FIGN: variants seen among roughly 807,000 people sequenced by gnomAD.
FIGN encodes the protein fidgetin, microtubule severing factor, also known as fidgetin.
Under a neutral mutation model 51.3 loss-of-function variants are expected in FIGN, and 11 were observed. That is an observed-to-expected ratio of 0.21 (90% CI 0.13 to 0.35). The LOEUF (loss-of-function observed/expected upper bound fraction) is 0.35, where lower values mean the gene tolerates loss of function less well. Ranked by LOEUF, FIGN falls within the 10% of genes least tolerant of loss-of-function variation. The pLI, the probability that FIGN is intolerant of heterozygous loss-of-function variation, is 1.00. For synonymous variants in FIGN, 407 were observed against 363.2 expected (o/e 1.12, Z -1.37); for missense variants, 857 against 943.6 (o/e 0.91, Z 1.20).
intron 2 of FIGN, among the ~76,000 whole-genome samples, chr2:163,714,947 G>A (rs1259091148): frequency 4.6e-5 from 7 of 152,018 alleles, no homozygotes; most frequent in African/African-American, 7.3e-5. Flanking sequence ...ATTTATAGCC[G>A]ATGGGCCTAA....
chr2:163,655,626 G>A (rs887539472), intron 2 of FIGN, among the ~76,000 whole-genome samples: 1 of 151,874 alleles, frequency 6.6e-6, no homozygotes, highest in Non-Finnish European at 1.5e-5. Context: ...ACATCATATT[G>A]GAAAATCATG....
At chr2:163,707,580 A>T (rs560173809) in intron 2 of FIGN, among the ~76,000 whole-genome samples, 1 of 152,314 alleles carries the variant, frequency 6.6e-6, no homozygotes, top group South Asian at 2.1e-4. Context: ...AGTCCATATC[A>T]AGCAACATTT....
At chr2:163,638,101 C>A (rs1449735750) in intron 2 of FIGN, among the ~76,000 whole-genome samples, 1 of 151,932 alleles carries the variant, frequency 6.6e-6, no homozygotes, top group Non-Finnish European at 1.5e-5. Flanking sequence ...GAGAGGATTT[C>A]CAATGACCCT....
At chr2:163,682,663 G>C (rs894515083) in intron 2 of FIGN, among the ~76,000 whole-genome samples, 6 of 152,172 alleles carry the variant, frequency 3.9e-5, no homozygotes, top group Admixed American at 2.6e-4. Flanking sequence ...GTGAAAGTGA[G>C]AATTTTTTAA....
intron 2 of FIGN, among the ~76,000 whole-genome samples, chr2:163,628,178 C>T (rs1292151100): frequency 6.6e-6 from 1 of 152,150 alleles, no homozygotes; most frequent in Non-Finnish European, 1.5e-5. Context: ...CTCTGATGGA[C>T]TTTGCAATCT....
intron 2 of FIGN, among the ~76,000 whole-genome samples, chr2:163,662,993 C>T (rs1683714351): frequency 1.3e-5 from 2 of 152,206 alleles, no homozygotes; most frequent in Admixed American, 1.3e-4. Context: ...TCCAATTAAA[C>T]CTCTTTTTCT....
At chr2:163,653,235 T>A (rs1422569514) in intron 2 of FIGN, among the ~76,000 whole-genome samples, 1 of 152,104 alleles carries the variant, frequency 6.6e-6, no homozygotes, top group Admixed American at 6.5e-5. Flanking sequence ...CACCTCTTTC[T>A]ATCATAGTTT....
Position 163,630,322 on chromosome 2 carries a change from T to G in FIGN, c.26-18516A>C, listed in dbSNP as rs376034679. On this transcript the variant is annotated intron_variant, in intron 2 of 2. Coordinates refer to ENST00000333129, the MANE Select transcript of FIGN (RefSeq NM_018086.4). ...GGAAGGAGCTAAAGGGCAGGTAGAATCCATTTGTTTTCTGGATCTCCTTTC... is the reference window on the plus strand; with the variant it reads ...GGAAGGAGCTAAAGGGCAGGTAGAAGCCATTTGTTTTCTGGATCTCCTTTC... Among the ~76,000 whole-genome samples the G allele has an allele frequency of 1.3e-4, 20 of 151,994 alleles. No individual in the cohort carries two copies. The East Asian group carries it at 1.4e-3, about 10-fold the overall frequency.
chr2:163,691,739 G>C (rs1684242989), intron 2 of FIGN, among the ~76,000 whole-genome samples: 2 of 151,982 alleles, frequency 1.3e-5, no homozygotes, highest in Admixed American at 1.3e-4. Flanking sequence ...TTCAGGAATT[G>C]AGGCAAAAAT....
At chr2:163,622,064 C>A (rs2105305972) in intron 2 of FIGN, among the ~76,000 whole-genome samples, 1 of 152,292 alleles carries the variant, frequency 6.6e-6, no homozygotes, top group East Asian at 1.9e-4. Context: ...GAAAAACATA[C>A]AGATTCCTCT....
intron 2 of FIGN, among the ~76,000 whole-genome samples, chr2:163,698,405 C>T (rs778151736): frequency 2.0e-5 from 3 of 152,004 alleles, no homozygotes; most frequent in Admixed American, 6.6e-5. Flanking sequence ...CCCTCCCTGG[C>T]GCCACTCCTA....
intron 2 of FIGN, among the ~76,000 whole-genome samples, chr2:163,655,391 T>G (rs770572790): frequency 6.6e-6 from 1 of 152,168 alleles, no homozygotes; most frequent in Non-Finnish European, 1.5e-5. Context: ...ACTCTAAAGG[T>G]TTAACAGAAA....
intron 2 of FIGN, among the ~76,000 whole-genome samples, chr2:163,647,566 C>T (rs1683401592): frequency 6.6e-6 from 1 of 152,156 alleles, no homozygotes; most frequent in Non-Finnish European, 1.5e-5. Flanking sequence ...ACCACCTGGC[C>T]TCAGATCACA....
chr2:163,669,149 A>C (rs936748246), intron 2 of FIGN, among the ~76,000 whole-genome samples: 14 of 151,978 alleles, frequency 9.2e-5, no homozygotes, highest in African/African-American at 3.4e-4. Flanking sequence ...TTGGCCCCCC[A>C]AAATATGGAG....
Position 163,711,393 on chromosome 2 carries a change from G to C in FIGN, c.25+23510C>G, listed in dbSNP as rs534764200. On this transcript the variant is annotated intron_variant, in intron 2 of 2. Coordinates refer to ENST00000333129, the MANE Select transcript of FIGN (RefSeq NM_018086.4). ...ACTGCAGTGATTAATACCTCCCTAC[G>C]TATTAAATAAAAATGACTGCCTTTT... is the stretch of plus-strand genomic sequence containing the variant. 5.7e-4 allele frequency among the ~76,000 whole-genome samples: 87 copies of C among 152,186 alleles called. No individual in the cohort carries two copies. In the South Asian group the frequency reaches 8.1e-3, roughly 14 times the overall value.
intron 2 of FIGN, among the ~76,000 whole-genome samples, chr2:163,730,774 T>C (rs775067974): frequency 9.2e-5 from 14 of 152,176 alleles, no homozygotes; most frequent in Non-Finnish European, 1.9e-4. Flanking sequence ...GTTCTATCGA[T>C]CAGTAGCATA....
At chr2:163,632,775 G>A (rs946736624) in intron 2 of FIGN, among the ~76,000 whole-genome samples, 5 of 152,140 alleles carry the variant, frequency 3.3e-5, no homozygotes, top group Non-Finnish European at 5.9e-5. Flanking sequence ...AGTTACAGGC[G>A]GGTAGATTTC....
intron 2 of FIGN, among the ~76,000 whole-genome samples, chr2:163,620,373 T>C (rs1257415976): frequency 6.6e-6 from 1 of 152,132 alleles, no homozygotes; most frequent in Non-Finnish European, 1.5e-5. Context: ...CGTATGTCCA[T>C]AGGGACTGCA....
At chr2:163,706,069 C>T (rs555652432) in intron 2 of FIGN, among the ~76,000 whole-genome samples, 2 of 152,222 alleles carry the variant, frequency 1.3e-5, no homozygotes, top group Non-Finnish European at 2.9e-5. Context: ...TTTCAGCTTC[C>T]TCTGGGGCTC....
Sources: allele counts gnomAD v4.1 joint callset (sites outside exome capture counted in the v4.1 genomes callset), GRCh38; gene constraint gnomAD v4.1.1; transcripts MANE v1.5; gene names NCBI Gene and HGNC (gene_info 2026-07-23, HGNC 2026-07-21).